Variants in TG observed in about 807,000 individuals in gnomAD.
The protein encoded by TG is thyroglobulin.
A neutral mutation model predicts 324.7 loss-of-function variants in TG; 270 were observed. The observed-to-expected ratio is 0.83, with a 90% CI of 0.75 to 0.92. The LOEUF (loss-of-function observed/expected upper bound fraction) is 0.92, where lower values mean the gene tolerates loss of function less well. TG is among the 40% of genes least tolerant of loss of function. The probability of loss-of-function intolerance (pLI) is 0.00; values close to 1 mark genes in which losing one functional copy is unlikely to be tolerated. For missense variants in TG, 3,591 were observed against 3,456.4 expected (o/e 1.04, Z -0.98); for synonymous variants, 1,401 against 1,327.0 (o/e 1.06, Z -1.21).
chr8:132,931,386 T>G (rs1417483910), intron 23 of TG, among the ~76,000 whole-genome samples: 3 of 152,054 alleles, frequency 2.0e-5, no homozygotes, highest in African/African-American at 4.8e-5. Flanking sequence ...TAATGAAAAA[T>G]CAAGGTGGTT....
chr8:133,021,922 A>G, intron 39 of TG, 69 bp from the exon 40 acceptor site: 1 of 1,601,728 alleles, frequency 6.2e-7, no homozygotes, highest in Non-Finnish European at 8.5e-7. Context: ...GTCAACCAAG[A>G]ATCAGGCTCC....
At chr8:132,870,333 C>T (rs752407104) in intron 3 of TG, among the ~76,000 whole-genome samples, 1 of 149,276 alleles carries the variant, frequency 6.7e-6, no homozygotes, top group East Asian at 2.0e-4. Context: ...TATCCTTTGA[C>T]GGATTAAAAG....
intron 45 of TG, among the ~76,000 whole-genome samples, chr8:133,119,965 A>T (rs1250406054): frequency 1.3e-5 from 2 of 152,208 alleles, no homozygotes; most frequent in Non-Finnish European, 2.9e-5. Context: ...GGAGAGAAGG[A>T]ATGATGACAA....
At chr8:133,112,437 C>T (rs1000641375) in intron 43 of TG, among the ~76,000 whole-genome samples, 11 of 152,150 alleles carry the variant, frequency 7.2e-5, no homozygotes, top group Admixed American at 7.2e-4. Flanking sequence ...AAGGAGGAAA[C>T]TGGGTCCTGG....
rs774383954 is a variant in TG at position 132,886,600 on chromosome 8, C to A, written c.1228C>A (p.Pro410Thr). ...RVARFATSCP[P>T]TIKELFVDSG... ...AGCCAGATTTGCCACATCCTGCCCACCCACGATCAAGGAGCTCTTTGTGGA... is the reference window on the plus strand; with the variant it reads ...AGCCAGATTTGCCACATCCTGCCCAACCACGATCAAGGAGCTCTTTGTGGA... The change falls in exon 9 of 48, where the codon CCC becomes ACC. Residue 410 changes from proline to threonine, a missense_variant. Pro to Thr is a conservative substitution (Grantham distance 38). Coordinates refer to ENST00000220616, the MANE Select transcript of TG (RefSeq NM_003235.5). 8 of 1,614,182 alleles carry A rather than the reference C, an allele frequency of 5.0e-6. No homozygotes were observed. The Admixed American group carries it at 1.3e-4, about 27-fold the overall frequency.
At chr8:133,033,681 G>A (rs530305770) in intron 41 of TG, among the ~76,000 whole-genome samples, 12 of 152,244 alleles carry the variant, frequency 7.9e-5, no homozygotes, top group Non-Finnish European at 1.3e-4. Flanking sequence ...TCTCTGTTCT[G>A]TGTTCAGCAT....
intron 35 of TG, among the ~76,000 whole-genome samples, chr8:132,994,008 C>T (rs1467248074): frequency 3.9e-5 from 6 of 152,162 alleles, no homozygotes; most frequent in Admixed American, 1.3e-4. Context: ...AGGGAGCTGG[C>T]GTTTGGTACT....
At chr8:133,002,729 G>A (rs1215101420) in intron 35 of TG, 2 of 251,230 alleles carry the variant, frequency 8.0e-6, no homozygotes, top group Non-Finnish European at 1.5e-5. Context: ...CCCTTCTCTT[G>A]GGCTTCTTTT....
At chr8:132,998,710 C>T (rs1833135595) in intron 35 of TG, among the ~76,000 whole-genome samples, 1 of 152,182 alleles carries the variant, frequency 6.6e-6, no homozygotes, top group South Asian at 2.1e-4. Flanking sequence ...AGAAAGAAAA[C>T]TGTGGTCCAT....
chr8:133,085,053 G>A (rs891710814), intron 41 of TG, among the ~76,000 whole-genome samples: 1 of 152,206 alleles, frequency 6.6e-6, no homozygotes, highest in Admixed American at 6.5e-5. Context: ...ACTGAGAACA[G>A]CATGTAAAGT....
chr8:132,878,152 A>G (rs1318941456), intron 5 of TG, among the ~76,000 whole-genome samples: 2 of 152,184 alleles, frequency 1.3e-5, no homozygotes, highest in African/African-American at 4.8e-5. Context: ...TCTACAAGAT[A>G]AAAATAAGAG....
intron 18 of TG, among the ~76,000 whole-genome samples, chr8:132,909,144 TAC>T (rs1819135111): frequency 6.6e-6 from 1 of 152,182 alleles, no homozygotes; most frequent in Non-Finnish European, 1.5e-5. Context: ...ATGGGAGTTT[TAC>T]AGTCTTCTCC....
intron 20 of TG, among the ~76,000 whole-genome samples, chr8:132,913,650 C>G (rs1319737888): frequency 6.6e-6 from 1 of 152,154 alleles, no homozygotes; most frequent in African/African-American, 2.4e-5. Context: ...CTTTAAAACT[C>G]AGGGAAAATG....
At chr8:132,887,790 A>C (rs1455477311) in intron 9 of TG, among the ~76,000 whole-genome samples, 194 bp from the exon 10 acceptor site, 2 of 152,194 alleles carry the variant, frequency 1.3e-5, no homozygotes, top group Admixed American at 1.3e-4. Flanking sequence ...GCTGATCACC[A>C]ACTGATGTCA....
At chr8:132,876,447 A>G (rs1290116639) in intron 5 of TG, among the ~76,000 whole-genome samples, 2 of 152,162 alleles carry the variant, frequency 1.3e-5, no homozygotes, top group Non-Finnish European at 2.9e-5. Context: ...TTTGAAAATT[A>G]AAATGGAGAA....
At chr8:132,921,449 C>T (rs549136636) in intron 21 of TG, among the ~76,000 whole-genome samples, 3 of 152,312 alleles carry the variant, frequency 2.0e-5, no homozygotes, top group South Asian at 2.1e-4. Flanking sequence ...TGCTAAGGAT[C>T]TGTTCATACC....
intron 41 of TG, among the ~76,000 whole-genome samples, chr8:133,057,618 C>T (rs915504958): frequency 5.9e-5 from 9 of 152,146 alleles, no homozygotes; most frequent in East Asian, 3.9e-4. Flanking sequence ...ACAGCTTCCA[C>T]GGAACATTAC....
At chr8:133,134,314 G>A (rs758858269) in intron 47 of TG, among the ~76,000 whole-genome samples, 3 of 152,196 alleles carry the variant, frequency 2.0e-5, no homozygotes, top group Non-Finnish European at 4.4e-5. Flanking sequence ...GTCCCCAGGA[G>A]AGGTGATGCT....
At chr8:132,938,682 G>A (rs1250469322) in intron 25 of TG, among the ~76,000 whole-genome samples, 2 of 152,172 alleles carry the variant, frequency 1.3e-5, no homozygotes, top group African/African-American at 4.8e-5. Flanking sequence ...AGGTAAAGAC[G>A]GGTATGAGCT....
Sources: gnomAD v4.1 joint callset for allele counts (sites outside exome capture counted in the v4.1 genomes callset) on GRCh38, gnomAD v4.1.1 for gene constraint, MANE v1.5 for transcripts, NCBI Gene and HGNC (gene_info 2026-07-23, HGNC 2026-07-21) for gene names.